Variants in CADM1 observed in about 807,000 individuals in gnomAD.
CADM1 encodes cell adhesion molecule 1, also known as TSLC-1.
CADM1 carries 15 observed loss-of-function variants against 53.1 expected under a neutral mutation model. That is an observed-to-expected ratio of 0.28 (90% CI 0.19 to 0.44). The LOEUF (loss-of-function observed/expected upper bound fraction) is 0.44, where lower values mean the gene tolerates loss of function less well. Among genes scored for constraint, CADM1 ranks in the 20% least tolerant of loss-of-function variants. The pLI is 1.00. For missense variants in CADM1, 434 were observed against 611.3 expected (o/e 0.71, Z 3.06); for synonymous variants, 281 against 243.0 (o/e 1.16, Z -1.45).
chr11:115,400,669 A>ATATG (rs1455445105), intron 1 of CADM1, among the ~76,000 whole-genome samples: 3 of 28,048 alleles, frequency 1.1e-4, no homozygotes, highest in Non-Finnish European at 2.8e-4. Context: ...GTGTATATAT[A>ATATG]TATATATATA....
chr11:115,340,658 A>ATTTTTTTTTTTTT (rs869273547), intron 1 of CADM1, among the ~76,000 whole-genome samples: 2 of 34,938 alleles, frequency 5.7e-5, no homozygotes, highest in African/African-American at 2.8e-4. Flanking sequence ...ATATATATAT[A>ATTTTTTTTTTTTT]TTTTTTTTTT....
At chr11:115,218,188 G>A (rs557947962) in intron 5 of CADM1, 197 bp from the exon 6 acceptor site, 26 of 578,440 alleles carry the variant, frequency 4.5e-5, no homozygotes, top group African/African-American at 3.3e-4. Flanking sequence ...GGAGTGAACC[G>A]CAAATAGATA....
chr11:115,247,108 G>A (rs954649833), intron 1 of CADM1, among the ~76,000 whole-genome samples: 1 of 152,086 alleles, frequency 6.6e-6, no homozygotes, highest in African/African-American at 2.4e-5. Flanking sequence ...ACATACTATA[G>A]GTATGTTTGA....
At chr11:115,435,264 C>T (rs1223794905) in intron 1 of CADM1, among the ~76,000 whole-genome samples, 1 of 152,118 alleles carries the variant, frequency 6.6e-6, no homozygotes. Flanking sequence ...GCTTAGAAAG[C>T]ATAGACAGTA....
intron 1 of CADM1, among the ~76,000 whole-genome samples, chr11:115,393,186 A>T (rs1946887428): frequency 6.6e-6 from 1 of 151,858 alleles, no homozygotes; most frequent in Admixed American, 6.6e-5. Context: ...AAGACAGAAG[A>T]CTGCAAATAA....
intron 1 of CADM1, among the ~76,000 whole-genome samples, chr11:115,469,925 G>C (rs563128835): frequency 3.9e-5 from 6 of 152,000 alleles, no homozygotes; most frequent in Admixed American, 6.6e-5. Flanking sequence ...CACCCGCCTC[G>C]GCCTCCCAAA....
chr11:115,401,011 G>T (rs1332062221), intron 1 of CADM1, among the ~76,000 whole-genome samples: 2 of 152,014 alleles, frequency 1.3e-5, no homozygotes, highest in Admixed American at 6.6e-5. Context: ...CCCAAGAGTT[G>T]AAAACTTATG....
chr11:115,269,085 G>C (rs1000433958), intron 1 of CADM1, among the ~76,000 whole-genome samples: 3 of 152,018 alleles, frequency 2.0e-5, no homozygotes, highest in Non-Finnish European at 2.9e-5. Context: ...TGGACTCCCA[G>C]GAACAATGGT....
chr11:115,305,740 C>T (rs923490303), intron 1 of CADM1, among the ~76,000 whole-genome samples: 1 of 151,460 alleles, frequency 6.6e-6, no homozygotes, highest in Non-Finnish European at 1.5e-5. Context: ...AATTCTAAGG[C>T]ATTCAAAAAG....
intron 1 of CADM1, 108 bp downstream of exon 1, chr11:115,504,163 G>T (rs2513640): frequency 0.053 from 78,486 of 1,474,002 alleles, 2,309 homozygotes; most frequent in Middle Eastern, 0.072. Context: ...CGCTTCGGAT[G>T]TAGGAAGTGG....
At chr11:115,177,226 T>G (rs1255771440) in intron 11 of CADM1, among the ~76,000 whole-genome samples, 1 of 152,242 alleles carries the variant, frequency 6.6e-6, no homozygotes, top group Non-Finnish European at 1.5e-5. Flanking sequence ...TCTGTCTTAA[T>G]GAGCAAGTAG....
At chr11:115,484,990 T>G (rs549478857) in intron 1 of CADM1, among the ~76,000 whole-genome samples, 1 of 152,166 alleles carries the variant, frequency 6.6e-6, no homozygotes, top group East Asian at 1.9e-4. Flanking sequence ...GGAATCTTGT[T>G]CCGGTGTTGC....
At chr11:115,302,365 T>C (rs756409612) in intron 1 of CADM1, among the ~76,000 whole-genome samples, 12 of 152,118 alleles carry the variant, frequency 7.9e-5, no homozygotes, top group Non-Finnish European at 1.8e-4. Context: ...CAGATTCCCA[T>C]GTTTGTAACC....
chr11:115,326,626 A>G (rs1220805472), intron 1 of CADM1, among the ~76,000 whole-genome samples: 1 of 152,210 alleles, frequency 6.6e-6, no homozygotes, highest in East Asian at 1.9e-4. Context: ...CTAGAATACA[A>G]ATTAGCAAGT....
intron 1 of CADM1, among the ~76,000 whole-genome samples, chr11:115,242,813 GACT>G (rs1942286987): frequency 6.6e-6 from 1 of 152,180 alleles, no homozygotes; most frequent in Non-Finnish European, 1.5e-5. Flanking sequence ...TACAAATCCT[GACT>G]ACTATCTTGC....
intron 1 of CADM1, among the ~76,000 whole-genome samples, chr11:115,407,762 T>G (rs1393785070): frequency 6.7e-6 from 1 of 150,284 alleles, no homozygotes; most frequent in Admixed American, 6.7e-5. Flanking sequence ...CCTAGCAACT[T>G]GGGAAGCCAA....
At chr11:115,178,895 A>T in intron 10 of CADM1, 120 bp from the exon 11 acceptor site, 1 of 1,076,590 alleles carries the variant, frequency 9.3e-7, no homozygotes, top group South Asian at 1.3e-5. Context: ...GTCACAGAGA[A>T]CAATCGAGAT....
chr11:115,368,440 G>A (rs1325176871), intron 1 of CADM1, among the ~76,000 whole-genome samples: 1 of 151,942 alleles, frequency 6.6e-6, no homozygotes, highest in African/African-American at 2.4e-5. Flanking sequence ...ACTTCTTCAA[G>A]CATCATAAGC....
intron 1 of CADM1, among the ~76,000 whole-genome samples, chr11:115,434,426 C>A (rs544787518): frequency 1.3e-5 from 2 of 152,354 alleles, no homozygotes; most frequent in African/African-American, 2.4e-5. Flanking sequence ...AATCAGCCAA[C>A]TGACTTACAT....
Sources: gnomAD v4.1 joint callset for allele counts (sites outside exome capture counted in the v4.1 genomes callset) on GRCh38, gnomAD v4.1.1 for gene constraint, MANE v1.5 for transcripts, NCBI Gene and HGNC (gene_info 2026-07-23, HGNC 2026-07-21) for gene names.